Variants in LRBA observed in about 807,000 individuals in gnomAD.
LRBA encodes LPS responsive beige-like anchor protein.
Under a neutral mutation model 330.0 loss-of-function variants are expected in LRBA, and 176 were observed. The observed-to-expected ratio is 0.53, with a 90% CI of 0.47 to 0.60. LRBA has a LOEUF of 0.60. Ranked by LOEUF, LRBA falls within the 20% of genes least tolerant of loss-of-function variation. LRBA has a pLI of 0.00. For synonymous variants in LRBA, 1,230 were observed against 1,193.0 expected (o/e 1.03, Z -0.64); for missense variants, 3,259 against 3,444.8 (o/e 0.95, Z 1.35).
At chr4:150,329,224 ACT>A (rs1346675513) in intron 48 of LRBA, among the ~76,000 whole-genome samples, 8 of 152,234 alleles carry the variant, frequency 5.3e-5, no homozygotes, top group Non-Finnish European at 8.8e-5. Flanking sequence ...CAAATGCTTT[ACT>A]TCTTAACGAA....
chr4:150,850,863 G>C lies in LRBA; in HGVS notation c.3865C>G (p.Pro1289Ala). 1 of 1,613,310 alleles carries C rather than the reference G, an allele frequency of 6.2e-7. No homozygotes were observed. The highest frequency in any genetic ancestry group is 1.1e-5 in the South Asian group (1 of 90,882). Residue 1289 changes from proline (P) to alanine (A), a missense_variant, in exon 24 of 57, where the codon CCA becomes GCA. By Grantham distance (27) the Pro-to-Ala change is conservative. Coordinates refer to ENST00000651943, the MANE Select transcript of LRBA (RefSeq NM_001364905.1). The stretch of plus-strand genomic sequence containing the variant: ...CTCCTTTGTCCATTAACTGCATCTG[G>C]TGCTATTCCTTGCCCTGGCTGCTCA... ...QHEQPGQGIA[P>A]DAVNGQRRDS...
intron 2 of LRBA, among the ~76,000 whole-genome samples, chr4:150,930,394 G>C (rs966007992): frequency 6.6e-6 from 1 of 152,208 alleles, no homozygotes; most frequent in Non-Finnish European, 1.5e-5. Context: ...TTGGGAGGCT[G>C]AGGCAGGAGA....
intron 43 of LRBA, among the ~76,000 whole-genome samples, 179 bp downstream of exon 43, chr4:150,471,445 C>T (rs886592048): frequency 6.6e-6 from 1 of 152,154 alleles, no homozygotes; most frequent in African/African-American, 2.4e-5. Flanking sequence ...CACATTTGTA[C>T]TTAAAATGAC....
chr4:150,596,661 A>G (rs1328583468), intron 38 of LRBA, among the ~76,000 whole-genome samples: 1 of 151,792 alleles, frequency 6.6e-6, no homozygotes, highest in East Asian at 1.9e-4. Flanking sequence ...TGCATACTTA[A>G]TTCTTAATAA....
chr4:150,670,761 T>C (rs1781979748), intron 37 of LRBA, among the ~76,000 whole-genome samples: 2 of 152,200 alleles, frequency 1.3e-5, no homozygotes, highest in South Asian at 4.1e-4. Flanking sequence ...TGATATTTCA[T>C]TCCAATCAAT....
At chr4:150,981,011 G>A (rs1364489687) in intron 2 of LRBA, among the ~76,000 whole-genome samples, 1 of 151,980 alleles carries the variant, frequency 6.6e-6, no homozygotes, top group Non-Finnish European at 1.5e-5. Flanking sequence ...CATGTTCACG[G>A]ATTGCAAGAA....
chr4:150,865,390 C>T (rs1752540246), intron 22 of LRBA, among the ~76,000 whole-genome samples: 1 of 152,068 alleles, frequency 6.6e-6, no homozygotes, highest in Admixed American at 6.6e-5. Context: ...TGAAAGTAGC[C>T]ATATACAATA....
intron 31 of LRBA, among the ~76,000 whole-genome samples, chr4:150,815,439 T>A (rs1436622885): frequency 3.3e-5 from 5 of 151,776 alleles, no homozygotes; most frequent in Non-Finnish European, 7.4e-5. Flanking sequence ...CCTTTGTAAT[T>A]CTCACTGGGC....
intron 48 of LRBA, among the ~76,000 whole-genome samples, chr4:150,348,216 T>C (rs1205205895): frequency 6.6e-6 from 1 of 152,160 alleles, no homozygotes; most frequent in East Asian, 1.9e-4. Context: ...GCCAAGCACA[T>C]AGAGTGACTC....
intron 42 of LRBA, among the ~76,000 whole-genome samples, chr4:150,485,044 G>T (rs760528368): frequency 6.6e-6 from 1 of 151,960 alleles, no homozygotes; most frequent in African/African-American, 2.4e-5. Flanking sequence ...TTTTAGGGCT[G>T]AATATGGTCA....
intron 35 of LRBA, among the ~76,000 whole-genome samples, chr4:150,747,646 A>G (rs1229737329): frequency 6.6e-6 from 1 of 152,188 alleles, no homozygotes; most frequent in Non-Finnish European, 1.5e-5. Context: ...TAAGGTTCTT[A>G]AAACATTTTC....
intron 36 of LRBA, among the ~76,000 whole-genome samples, chr4:150,714,006 C>CT (rs752862147): frequency 6.6e-6 from 1 of 152,116 alleles, no homozygotes; most frequent in African/African-American, 2.4e-5. Flanking sequence ...TAGAGGTGTG[C>CT]TATTCAAGAA....
intron 47 of LRBA, among the ~76,000 whole-genome samples, chr4:150,375,056 C>T (rs527774265): frequency 6.5e-5 from 9 of 137,624 alleles, no homozygotes; most frequent in African/African-American, 2.5e-4. Context: ...AACAAGAGGG[C>T]ATATAACCCA....
intron 2 of LRBA, among the ~76,000 whole-genome samples, chr4:150,955,027 G>GCA (rs1737385981): frequency 6.7e-6 from 1 of 148,916 alleles, no homozygotes; most frequent in Non-Finnish European, 1.5e-5. Context: ...TGTAATCCCA[G>GCA]CACTTCAGGA....
intron 34 of LRBA, among the ~76,000 whole-genome samples, chr4:150,769,033 T>A (rs1371471537): frequency 1.4e-5 from 2 of 144,104 alleles, no homozygotes; most frequent in African/African-American, 5.3e-5. Context: ...CGCCTCTGGG[T>A]TCAAGCAACT....
At position 150,393,031 on chromosome 4, in the gene LRBA, A is replaced by C. The variant is rs1220602568; in HGVS notation, c.7194+22407T>G. Among the ~76,000 whole-genome samples the C allele has an allele frequency of 2.0e-5, 3 of 151,880 alleles. No homozygotes were observed. In the East Asian group the frequency reaches 5.8e-4, roughly 29 times the overall value. Reference sequence around the variant, plus strand: ...TAAAGTTAAAAAAAAAAGGGGGGAGAATATGATTCCATCCATAGCAGATGG... The same window carrying C: ...TAAAGTTAAAAAAAAAAGGGGGGAGCATATGATTCCATCCATAGCAGATGG... On this transcript the variant is annotated intron_variant, in intron 47 of 56. Transcript: ENST00000651943.
At chr4:150,564,312 G>A (rs1768819478) in intron 40 of LRBA, among the ~76,000 whole-genome samples, 1 of 152,136 alleles carries the variant, frequency 6.6e-6, no homozygotes, top group South Asian at 2.1e-4. Context: ...AATAAATGGT[G>A]CTGGGAAAAC....
chr4:150,471,737 C>G lies in LRBA; in HGVS notation c.6554G>C (p.Arg2185Pro). 2.1e-6 allele frequency: 3 copies of G among 1,432,174 alleles called. No homozygotes were observed. Among genetic ancestry groups the G allele is most frequent in the Non-Finnish European group, 1.9e-6 (2 of 1,025,844 alleles). 88.7% of individuals were successfully genotyped at this position (1,432,174 alleles called of 1,614,324 possible). The stretch of plus-strand genomic sequence containing the variant: ...CTGACGTGGACTAGCTAATGAAATA[C>G]GTCTGCAAGAAAAAGAATTCAATGT... ...GTSFGLPQTR[R>P]ISLASPRQLF... is the part of the protein sequence containing the mutation. Residue 2185 changes from arginine to proline, a missense_variant and splice_region_variant, in exon 43 of 57, where the codon CGT becomes CCT. Coordinates refer to ENST00000651943, the MANE Select transcript of LRBA (RefSeq NM_001364905.1).
At chr4:150,302,120 T>C (rs765964935) in intron 53 of LRBA, among the ~76,000 whole-genome samples, 1 of 152,210 alleles carries the variant, frequency 6.6e-6, no homozygotes, top group Non-Finnish European at 1.5e-5. Context: ...AGGCTGTTGG[T>C]GAACATTTTC....
Sources: gnomAD v4.1 joint callset for allele counts (sites outside exome capture counted in the v4.1 genomes callset) on GRCh38, gnomAD v4.1.1 for gene constraint, MANE v1.5 for transcripts, NCBI Gene and HGNC (gene_info 2026-07-23, HGNC 2026-07-21) for gene names.